Variants in NAV3 observed in about 807,000 individuals in gnomAD.
NAV3 encodes neuron navigator 3, also known as pore membrane and/or filament interacting like protein 1.
NAV3 carries 87 observed loss-of-function variants against 244.7 expected under a neutral mutation model. The observed-to-expected ratio is 0.36, with a 90% confidence interval of 0.30 to 0.42. The LOEUF (loss-of-function observed/expected upper bound fraction) is 0.42. NAV3 is among the 20% of genes least tolerant of loss of function. The pLI, the probability that NAV3 is intolerant of heterozygous loss-of-function variation, is 1.00. For missense variants in NAV3, 2,663 were observed against 2,893.3 expected (o/e 0.92, Z 1.83); for synonymous variants, 1,126 against 1,042.2 (o/e 1.08, Z -1.55).
intron 3 of NAV3, among the ~76,000 whole-genome samples, chr12:77,946,102 GTA>G (rs35092398): frequency 0.76 from 108,266 of 141,848 alleles, 41,137 homozygotes; most frequent in East Asian, 0.94. Context: ...ATATATATAT[GTA>G]TATATATATA....
chr12:77,592,828 C>T (rs962862880), intron 2 of NAV3, among the ~76,000 whole-genome samples: 3 of 152,176 alleles, frequency 2.0e-5, no homozygotes, highest in Non-Finnish European at 4.4e-5. Flanking sequence ...TCATTTCATA[C>T]AGTGGCGTAT....
At chr12:77,765,310 G>C (rs1869684560) in intron 2 of NAV3, among the ~76,000 whole-genome samples, 1 of 152,096 alleles carries the variant, frequency 6.6e-6, no homozygotes, top group Non-Finnish European at 1.5e-5. Flanking sequence ...CTCCAAATTT[G>C]TTCACTGATC....
intron 5 of NAV3, among the ~76,000 whole-genome samples, chr12:77,977,137 A>C (rs186307051): frequency 1.0e-3 from 153 of 152,266 alleles, no homozygotes; most frequent in African/African-American, 3.4e-3. Context: ...ACTACATGAA[A>C]TGTTGCATGT....
At position 77,663,620 on chromosome 12, in the gene NAV3, C is replaced by A. The variant is rs1218401879; in HGVS notation, c.72+91354C>A. On this transcript the variant is annotated intron_variant, in intron 2 of 8. Transcript: ENST00000550042. ...CACTGCAGCCTTGGCCTCTCAAGTT[C>A]AAGCAATTCTTCTGCCTCAGCCTCC... is the stretch of plus-strand genomic sequence containing the variant. Among the ~76,000 whole-genome samples the A allele has an allele frequency of 4.0e-5, 6 of 151,242 alleles. No individual in the cohort carries two copies. The East Asian group carries it at 7.8e-4, about 20-fold the overall frequency.
At chr12:77,654,391 G>A (rs1241965781) in intron 2 of NAV3, among the ~76,000 whole-genome samples, 2 of 152,202 alleles carry the variant, frequency 1.3e-5, no homozygotes, top group South Asian at 2.1e-4. Flanking sequence ...AGGCGGCAGC[G>A]AGGCTGGGGG....
intron 2 of NAV3, among the ~76,000 whole-genome samples, chr12:77,709,337 G>A (rs1041462564): frequency 6.6e-6 from 1 of 152,090 alleles, no homozygotes; most frequent in Non-Finnish European, 1.5e-5. Context: ...CAAACCCACA[G>A]CCAATATCAT....
chr12:77,843,421 T>TGTGTG (rs1565848072), intron 1 of NAV3, among the ~76,000 whole-genome samples: 4 of 148,490 alleles, frequency 2.7e-5, no homozygotes, highest in African/African-American at 9.9e-5. Flanking sequence ...GTGTGTGTGT[T>TGTGTG]TGTGTGTGTA....
At position 77,765,890 on chromosome 12, in the gene NAV3, T is replaced by C. The variant is rs897457133; in HGVS notation, c.73-174429T>C. ...CACAAAAACAAGAAGAAAAAATATA[T>C]AATAAAAGAGGAGGGAGTCGGTGGT... On this transcript the variant is annotated intron_variant, in intron 2 of 8. Coordinates refer to the NAV3 transcript ENST00000550042. Among the ~76,000 whole-genome samples the C allele has an allele frequency of 4.0e-5, 6 of 151,588 alleles. No individual in the cohort carries two copies. In the South Asian group the frequency reaches 1.3e-3, roughly 32 times the overall value.
At chr12:77,792,417 G>A (rs1298098359) in intron 2 of NAV3, among the ~76,000 whole-genome samples, 4 of 152,250 alleles carry the variant, frequency 2.6e-5, no homozygotes, top group East Asian at 3.9e-4. Context: ...TAAGGCATTG[G>A]ATGTCAGTCA....
At chr12:78,134,225 C>T (rs543595036) in intron 18 of NAV3, among the ~76,000 whole-genome samples, 1 of 152,188 alleles carries the variant, frequency 6.6e-6, no homozygotes, top group Non-Finnish European at 1.5e-5. Flanking sequence ...TCAATCTTCT[C>T]AGAATGAACT....
intron 5 of NAV3, among the ~76,000 whole-genome samples, chr12:77,991,446 GTTAAA>G (rs1332662941): frequency 1.5e-5 from 2 of 129,718 alleles, no homozygotes; most frequent in Non-Finnish European, 3.2e-5. Flanking sequence ...AATAACTAAA[GTTAAA>G]TTAAATGTTT....
rs35164374 is a variant in NAV3, at chr12:77,952,068, T to TAA, written c.414+10950_414+10951dup. Reference sequence around the variant, plus strand: ...GGTACCCTAGATCTTAAAGTATAATTAAAAAAAAAAAAAAAACAGGTTGTT... The same window carrying TAA: ...GGTACCCTAGATCTTAAAGTATAATTAAAAAAAAAAAAAAAAAACAGGTTGTT... On this transcript the variant is annotated intron_variant, in intron 3 of 39. Coordinates refer to ENST00000397909, the MANE Select transcript of NAV3 (RefSeq NM_001024383.2). Among the ~76,000 whole-genome samples the TAA allele has an allele frequency of 4.6e-3, 651 of 140,034 alleles. 1 individual carries two copies. The highest frequency in any genetic ancestry group is 0.013 in the African/African-American group (509 of 38,004). 91.9% of individuals were successfully genotyped at this position (140,034 alleles called of 152,430 possible). A position where few individuals can be genotyped will look rare whatever the true frequency, so the allele number is the denominator to read the frequency against.
intron 9 of NAV3, 112 bp from the exon 10 acceptor site, chr12:78,049,881 G>A (rs1010803878): frequency 4.7e-6 from 3 of 635,158 alleles, no homozygotes; most frequent in Non-Finnish European, 8.2e-6. Context: ...TATTTGAAAT[G>A]TATTACATAT....
intron 1 of NAV3, among the ~76,000 whole-genome samples, chr12:77,866,022 G>A (rs1879963988): frequency 6.6e-6 from 1 of 151,508 alleles, no homozygotes. Context: ...AATATGAGAT[G>A]GCATTTTTCC....
intron 1 of NAV3, among the ~76,000 whole-genome samples, chr12:77,912,707 T>C (rs1886725060): frequency 6.6e-6 from 1 of 152,116 alleles, no homozygotes; most frequent in African/African-American, 2.4e-5. Flanking sequence ...CTCAGCTGAC[T>C]GCAAATTCTG....
rs778670550 is a variant in NAV3, at chr12:78,119,399, A to G, written c.3203A>G (p.Lys1068Arg). 3.8e-5 allele frequency: 61 copies of G among 1,614,226 alleles called. No homozygotes were observed. Among genetic ancestry groups the G allele is most frequent in the Middle Eastern group, 1.6e-4 (1 of 6,062 alleles). The change falls in exon 15 of 40, where the codon AAG becomes AGG. Residue 1068 changes from lysine (K) to arginine (R), a missense_variant. By Grantham distance (26) the Lys-to-Arg change is conservative (BLOSUM62 2). Transcript: ENST00000397909. Reference sequence around the variant, plus strand: ...ACTGCCACCAGCTCCTTTGGCTTTAAGAAACCAAGTGGAGTAGGGTCATCT... The same window carrying G: ...ACTGCCACCAGCTCCTTTGGCTTTAGGAAACCAAGTGGAGTAGGGTCATCT... ...RSTATSSFGF[K>R]KPSGVGSSAM...
chr12:77,893,526 C>A (rs924905323), intron 1 of NAV3, among the ~76,000 whole-genome samples: 4 of 151,244 alleles, frequency 2.6e-5, no homozygotes, highest in African/African-American at 9.7e-5. Flanking sequence ...TACATGGCAT[C>A]TTATTAAAAA....
intron 22 of NAV3, among the ~76,000 whole-genome samples, chr12:78,158,918 T>C (rs149575888): frequency 6.6e-6 from 1 of 152,290 alleles, no homozygotes; most frequent in East Asian, 1.9e-4. Context: ...CTACATGATG[T>C]GCAAGTCAGA....
intron 21 of NAV3, among the ~76,000 whole-genome samples, chr12:78,147,084 TAAC>T (rs969877249): frequency 6.6e-6 from 1 of 152,102 alleles, no homozygotes; most frequent in African/African-American, 2.4e-5. Context: ...AAAAATGCCT[TAAC>T]AACAGCTTTT....
Sources: allele counts gnomAD v4.1 joint callset (sites outside exome capture counted in the v4.1 genomes callset), GRCh38; gene constraint gnomAD v4.1.1; transcripts MANE v1.5; gene names NCBI Gene and HGNC (gene_info 2026-07-23, HGNC 2026-07-21).